MRTFA: variants seen among roughly 807,000 people sequenced by gnomAD.
MRTFA encodes myocardin related transcription factor A, also known as myocardin-related transcription factor A.
In MRTFA, 20 loss-of-function variants were observed where a neutral mutation model predicts 83.5. The ratio of observed to expected loss-of-function variants is 0.24; its 90% CI spans 0.17 to 0.35. The LOEUF (loss-of-function observed/expected upper bound fraction) is 0.35, where lower values mean the gene tolerates loss of function less well. MRTFA is among the 10% of genes least tolerant of loss of function. The pLI, the probability that MRTFA is intolerant of heterozygous loss-of-function variation, is 1.00. For synonymous variants in MRTFA, 659 were observed against 541.2 expected, an observed-to-expected ratio of 1.22 and a Z score of -3.02; for missense variants, 1,200 against 1,224.7, an observed-to-expected ratio of 0.98 and a Z score of 0.30.
intron 3 of MRTFA, among the ~76,000 whole-genome samples, chr22:40,493,433 C>A (rs1189685642): frequency 6.6e-6 from 1 of 152,206 alleles, no homozygotes; most frequent in Non-Finnish European, 1.5e-5. Flanking sequence ...TCTGCCATGA[C>A]CTCTACTCAC....
intron 3 of MRTFA, among the ~76,000 whole-genome samples, chr22:40,550,048 C>CAAAAAAAA (rs3044559): frequency 1.5e-5 from 2 of 130,320 alleles, no homozygotes; most frequent in African/African-American, 5.6e-5. Context: ...GACTCTGTTG[C>CAAAAAAAA]AAAAAAAAAA....
chr22:40,459,822 C>CACACACAA (rs1308675939), intron 4 of MRTFA, among the ~76,000 whole-genome samples: 1 of 68,266 alleles, frequency 1.5e-5, no homozygotes, highest in African/African-American at 6.5e-5. Flanking sequence ...CACACACACA[C>CACACACAA]ATATATACAT....
At chr22:40,581,657 A>C (rs1474022281) in intron 2 of MRTFA, among the ~76,000 whole-genome samples, 1 of 152,170 alleles carries the variant, frequency 6.6e-6, no homozygotes, top group East Asian at 1.9e-4. Flanking sequence ...TATACAACTT[A>C]TTCCTTTCTT....
rs1268291143 is a variant in MRTFA at position 40,416,604 on chromosome 22, C to G, written c.2578+382G>C. Among the ~76,000 whole-genome samples, 8 of 152,208 alleles carry G rather than the reference C, an allele frequency of 5.3e-5. No homozygotes were observed. On this transcript the variant is annotated intron_variant, in intron 14 of 14. Coordinates refer to ENST00000355630, the MANE Select transcript of MRTFA (RefSeq NM_020831.6). This position sits in a 1 kb window ranked among gnomAD's most constrained non-coding sequence, Gnocchi z 4.2. ...CTCACAGGAGACATCCTGGACCTTC[C>G]CCACCAGGCTCCCCAGACCTCTCCC...
At chr22:40,588,862 A>G (rs1485306337) in intron 2 of MRTFA, among the ~76,000 whole-genome samples, 1 of 152,166 alleles carries the variant, frequency 6.6e-6, no homozygotes, top group East Asian at 1.9e-4. Context: ...CATGCCTGCA[A>G]TCCTAGCTAC....
intron 1 of MRTFA, among the ~76,000 whole-genome samples, chr22:40,617,886 C>T (rs997295447): frequency 6.6e-6 from 1 of 152,120 alleles, no homozygotes; most frequent in Non-Finnish European, 1.5e-5. Context: ...TTAACACCTA[C>T]TACATGCCAA....
rs1327482067 is a variant in MRTFA at position 40,411,250 on chromosome 22, GC to G, written c.*139del. The G allele has an allele frequency of 7.5e-6, 7 of 929,242 alleles. No homozygotes were observed. Among genetic ancestry groups the G allele is most frequent in the Non-Finnish European group, 7.9e-6 (5 of 636,824 alleles). 57.6% of individuals were successfully genotyped at this position (929,242 alleles called of 1,614,324 possible). ...CAGGAGTAAGGGCTTCTCTGTTCTAGCCTCCCAGGGAAGGGAAAAAGCAGGG... is the reference window on the plus strand; with the variant it reads ...CAGGAGTAAGGGCTTCTCTGTTCTAGCTCCCAGGGAAGGGAAAAAGCAGGG... On this transcript the variant is annotated 3_prime_UTR_variant, in exon 15 of 15. Coordinates refer to ENST00000355630, the MANE Select transcript of MRTFA (RefSeq NM_020831.6).
At chr22:40,455,989 TTGTG>T (rs1225629596) in intron 4 of MRTFA, among the ~76,000 whole-genome samples, 3 of 151,942 alleles carry the variant, frequency 2.0e-5, no homozygotes, top group African/African-American at 7.3e-5. Context: ...TGGTTAATTT[TTGTG>T]TGTGTGTATT....
Position 40,417,331 on chromosome 22 carries a change from C to T in MRTFA, c.2517+10G>A, listed in dbSNP as rs777382798. The stretch of plus-strand genomic sequence containing the variant: ...GCCAACACTAGCCAGGCCTAGCCCG[C>T]CTTCCTCACCTGCTGTTTGGGCTGC... On this transcript the variant is annotated intron_variant, in intron 13 of 14. Coordinates refer to ENST00000355630, the MANE Select transcript of MRTFA (RefSeq NM_020831.6). 2.5e-6 allele frequency: 4 copies of T among 1,609,490 alleles called. No homozygotes were observed. The East Asian group carries it at 6.7e-5, about 27-fold the overall frequency.
intron 1 of MRTFA, among the ~76,000 whole-genome samples, chr22:40,612,668 C>A (rs1054132192): frequency 7.2e-5 from 11 of 152,132 alleles, no homozygotes; most frequent in Non-Finnish European, 1.5e-4. Flanking sequence ...TTTCCATAAG[C>A]CAGGCACAGT....
chr22:40,564,028 C>A (rs989389006), intron 2 of MRTFA, among the ~76,000 whole-genome samples: 2 of 152,140 alleles, frequency 1.3e-5, no homozygotes, highest in Admixed American at 6.6e-5. Context: ...ATGTACCTGG[C>A]ACAGAACAGG....
chr22:40,531,455 G>A (rs1402502363), intron 3 of MRTFA, among the ~76,000 whole-genome samples: 3 of 151,916 alleles, frequency 2.0e-5, no homozygotes, highest in African/African-American at 7.3e-5. Context: ...ATATTCAAAT[G>A]AAAATTGTTC....
chr22:40,531,249 C>T (rs904427566), intron 3 of MRTFA, among the ~76,000 whole-genome samples: 3 of 149,810 alleles, frequency 2.0e-5, no homozygotes, highest in Non-Finnish European at 4.4e-5. Context: ...CAGGTGGGCA[C>T]CATCATACCT....
At chr22:40,602,313 C>T (rs537823683) in intron 1 of MRTFA, among the ~76,000 whole-genome samples, 2 of 152,244 alleles carry the variant, frequency 1.3e-5, no homozygotes, top group South Asian at 4.1e-4. Context: ...GTCATGTGTG[C>T]TAAGTACTTC....
At chr22:40,419,669 A>G (rs141330476) in intron 11 of MRTFA, among the ~76,000 whole-genome samples, 1 of 152,316 alleles carries the variant, frequency 6.6e-6, no homozygotes, top group East Asian at 1.9e-4. Context: ...AGCCCCCAGC[A>G]TGGTGCATGG....
At chr22:40,530,430 G>A (rs938825412) in intron 3 of MRTFA, among the ~76,000 whole-genome samples, 2 of 152,170 alleles carry the variant, frequency 1.3e-5, no homozygotes, top group African/African-American at 4.8e-5. Context: ...CCAAGTAGCT[G>A]GGACTACAGA....
intron 2 of MRTFA, among the ~76,000 whole-genome samples, chr22:40,583,549 A>AGTCCAT (rs2055980672): frequency 6.6e-6 from 1 of 152,234 alleles, no homozygotes; most frequent in Non-Finnish European, 1.5e-5. Flanking sequence ...CCCAACCCCC[A>AGTCCAT]GTCCATGGCC....
chr22:40,520,320 C>T (rs986754859), intron 3 of MRTFA, among the ~76,000 whole-genome samples: 1 of 152,182 alleles, frequency 6.6e-6, no homozygotes, highest in African/African-American at 2.4e-5. Flanking sequence ...CTCTCCATTT[C>T]CTGTTCTGGA....
intron 2 of MRTFA, among the ~76,000 whole-genome samples, chr22:40,555,483 C>T (rs2055507077): frequency 6.6e-6 from 1 of 152,038 alleles, no homozygotes; most frequent in Non-Finnish European, 1.5e-5. Context: ...CATGCCTGCA[C>T]CTGCTTCACC....
Sources: gnomAD v4.1 joint callset for allele counts (sites outside exome capture counted in the v4.1 genomes callset) on GRCh38, gnomAD v4.1.1 for gene constraint, Gnocchi (gnomAD v3.1) non-coding constraint, MANE v1.5 for transcripts, NCBI Gene and HGNC (gene_info 2026-07-23, HGNC 2026-07-21) for gene names.